EPHA7: variants seen among roughly 807,000 people sequenced by gnomAD.
EPHA7 encodes the protein ephrin type-A receptor 7.
A neutral mutation model predicts 112.6 loss-of-function variants in EPHA7; 25 were observed. That is an observed-to-expected ratio of 0.22 (90% CI 0.16 to 0.31). The LOEUF (loss-of-function observed/expected upper bound fraction) is 0.31, where lower values mean the gene tolerates loss of function less well. Among genes scored for constraint, EPHA7 ranks in the 10% least tolerant of loss-of-function variants. The pLI, the probability that EPHA7 is intolerant of heterozygous loss-of-function variation, is 1.00. For missense variants in EPHA7, 962 were observed against 1,212.6 expected (o/e 0.79, Z 3.07); for synonymous variants, 437 against 406.5 (o/e 1.07, Z -0.90).
chr6:93,308,627 A>C (rs1161351764), intron 5 of EPHA7, among the ~76,000 whole-genome samples: 14 of 152,198 alleles, frequency 9.2e-5, no homozygotes, highest in Admixed American at 5.9e-4. Flanking sequence ...AGATGTTTGA[A>C]TTATTTATAA....
At chr6:93,370,124 A>AT (rs1440953961) in intron 3 of EPHA7, among the ~76,000 whole-genome samples, 1 of 152,208 alleles carries the variant, frequency 6.6e-6, no homozygotes, top group Non-Finnish European at 1.5e-5. Context: ...TACGAATGAA[A>AT]TTAAAAGCAT....
chr6:93,412,453 A>G (rs1283172702), intron 2 of EPHA7, among the ~76,000 whole-genome samples: 2 of 152,112 alleles, frequency 1.3e-5, no homozygotes, highest in African/African-American at 2.4e-5. Flanking sequence ...TACAATTCAG[A>G]AATTTCTTTG....
chr6:93,324,119 T>A (rs1774203590), intron 5 of EPHA7, among the ~76,000 whole-genome samples: 1 of 151,482 alleles, frequency 6.6e-6, no homozygotes, highest in East Asian at 1.9e-4. Flanking sequence ...TGTCTTTTGA[T>A]GTGTTTCCTT....
At chr6:93,307,985 T>C (rs189308217) in intron 5 of EPHA7, among the ~76,000 whole-genome samples, 1 of 152,308 alleles carries the variant, frequency 6.6e-6, no homozygotes, top group African/African-American at 2.4e-5. Context: ...GTCATCACTA[T>C]CAGAATAAAG....
intron 5 of EPHA7, among the ~76,000 whole-genome samples, chr6:93,294,338 G>A (rs921184492): frequency 6.6e-6 from 1 of 152,106 alleles, no homozygotes; most frequent in Non-Finnish European, 1.5e-5. Context: ...CAGTGTATCA[G>A]GGATGATGTG....
chr6:93,287,763 C>CT (rs1772143353), intron 5 of EPHA7, among the ~76,000 whole-genome samples: 1 of 151,996 alleles, frequency 6.6e-6, no homozygotes, highest in Admixed American at 6.6e-5. Context: ...TTAGCTACCA[C>CT]TTTGTTTCCT....
chr6:93,309,371 A>G (rs1232383798), intron 5 of EPHA7, among the ~76,000 whole-genome samples: 1 of 152,224 alleles, frequency 6.6e-6, no homozygotes, highest in Non-Finnish European at 1.5e-5. Flanking sequence ...TTCTATACAT[A>G]TATTTTACCA....
rs529855678 is a variant in EPHA7, at chr6:93,331,472, T to G, written c.1324+25245A>C. Among the ~76,000 whole-genome samples the G allele has an allele frequency of 7.1e-4, 108 of 151,418 alleles. 1 individual carries two copies. Among genetic ancestry groups the G allele is most frequent in the African/African-American group, 2.5e-3 (102 of 41,432 alleles). ...AAATACAAAAAAAAAAATTCAGAGC[T>G]TTTAAAAACCAAACCTAGACATGAG... is the stretch of plus-strand genomic sequence containing the variant. On this transcript the variant is annotated intron_variant, in intron 5 of 16. Coordinates refer to ENST00000369303, the MANE Select transcript of EPHA7 (RefSeq NM_004440.4).
At chr6:93,248,272 T>A (rs1353263217) in intron 14 of EPHA7, among the ~76,000 whole-genome samples, 3 of 152,006 alleles carry the variant, frequency 2.0e-5, no homozygotes, top group African/African-American at 7.2e-5. Context: ...ATATAAAAGG[T>A]TGTAGGATAG....
At position 93,255,954 on chromosome 6, in the gene EPHA7, C is replaced by T; in HGVS notation, c.2256G>A (p.Met752Ile). Residue 752 changes from methionine (M) to isoleucine (I), a missense_variant, in exon 13 of 17, where the codon ATG becomes ATA. Around this residue, in one of 3 missense-constraint regions of EPHA7, gnomAD observed 746 missense variants for 889.2 expected, o/e 0.84. Transcript: ENST00000369303. ...IAAGMRYLAD[M>I]GYVHRDLAAR... The stretch of plus-strand genomic sequence containing the variant: ...CTGCAAGGTCCCTGTGAACATATCC[C>T]ATATCAGCCAAATATCTCATTCCAG... 1.9e-6 allele frequency: 3 copies of T among 1,614,070 alleles called. No individual in the cohort carries two copies. Among genetic ancestry groups the T allele is most frequent in the Non-Finnish European group, 2.5e-6 (3 of 1,180,010 alleles).
chr6:93,323,490 T>C (rs766997534), intron 5 of EPHA7, among the ~76,000 whole-genome samples: 12 of 151,524 alleles, frequency 7.9e-5, no homozygotes, highest in Non-Finnish European at 1.2e-4. Context: ...ATGTTTATTG[T>C]ACACGTACAA....
chr6:93,310,020 T>A (rs926134323), intron 5 of EPHA7, among the ~76,000 whole-genome samples: 1 of 152,226 alleles, frequency 6.6e-6, no homozygotes, highest in Non-Finnish European at 1.5e-5. Context: ...TTCTTGACAG[T>A]TTAATTGCTT....
At chr6:93,319,061 A>G (rs996432035) in intron 5 of EPHA7, among the ~76,000 whole-genome samples, 1 of 152,132 alleles carries the variant, frequency 6.6e-6, no homozygotes, top group Non-Finnish European at 1.5e-5. Flanking sequence ...ACATGTTCAC[A>G]TCACTCTTAT....
chr6:93,412,086 T>C (rs1779003175), intron 2 of EPHA7, among the ~76,000 whole-genome samples: 4 of 152,100 alleles, frequency 2.6e-5, no homozygotes, highest in Admixed American at 6.6e-5. Context: ...AATAAAATCA[T>C]TTCACCTAGG....
intron 5 of EPHA7, among the ~76,000 whole-genome samples, chr6:93,284,259 A>G (rs1771940343): frequency 6.6e-6 from 1 of 152,094 alleles, no homozygotes; most frequent in Admixed American, 6.5e-5. Context: ...GACTTTCTTA[A>G]ACATGATTTA....
intron 5 of EPHA7, among the ~76,000 whole-genome samples, chr6:93,311,305 T>C (rs977915980): frequency 6.6e-5 from 10 of 151,926 alleles, no homozygotes; most frequent in African/African-American, 2.4e-4. Context: ...CTTTCAAAAT[T>C]AAAGTCAACC....
Position 93,406,381 on chromosome 6 carries a change from T to TA in EPHA7, c.832+4119dup, listed in dbSNP as rs199720355. ...CAAAGCAAAAAGAAGCAGTGTTAAT[T>TA]AAAAAAAACAATTATCCCAGGCATA... is the stretch of plus-strand genomic sequence containing the variant. On this transcript the variant is annotated intron_variant, in intron 3 of 16. Coordinates refer to ENST00000369303, the MANE Select transcript of EPHA7 (RefSeq NM_004440.4). 2.0e-4 allele frequency among the ~76,000 whole-genome samples: 31 copies of TA among 151,554 alleles called. No individual in the cohort carries two copies. In the East Asian group the frequency reaches 4.1e-3, roughly 20 times the overall value.
chr6:93,366,000 C>T (rs186185319), intron 3 of EPHA7, among the ~76,000 whole-genome samples: 12 of 152,010 alleles, frequency 7.9e-5, no homozygotes, highest in Non-Finnish European at 1.5e-4. Context: ...TGAAATAAAA[C>T]AAAGCATTAT....
chr6:93,405,783 A>ATGTGTGTGTG (rs371052750), intron 3 of EPHA7, among the ~76,000 whole-genome samples: 14 of 95,290 alleles, frequency 1.5e-4, no homozygotes, highest in Non-Finnish European at 2.2e-4. Flanking sequence ...TTCTGTATAT[A>ATGTGTGTGTG]TGTGTGTGTG....
Sources: allele counts gnomAD v4.1 joint callset (sites outside exome capture counted in the v4.1 genomes callset), GRCh38; gene constraint gnomAD v4.1.1; regional missense constraint gnomAD v4.1.1; transcripts MANE v1.5; gene names NCBI Gene and HGNC (gene_info 2026-07-23, HGNC 2026-07-21).